The following TDRD1 variants were observed in gnomAD, a reference collection of about 807,000 sequenced individuals.
TDRD1 encodes tudor domain containing 1.
TDRD1 carries 37 observed loss-of-function variants against 140.6 expected under a neutral mutation model. The observed-to-expected ratio is 0.26, with a 90% CI of 0.20 to 0.35. The LOEUF (loss-of-function observed/expected upper bound fraction) is 0.35, where lower values mean the gene tolerates loss of function less well. Ranked by LOEUF, TDRD1 falls within the 10% of genes least tolerant of loss-of-function variation. The pLI is 1.00. For synonymous variants in TDRD1, 506 were observed against 475.7 expected (o/e 1.06, Z -0.83); for missense variants, 1,243 against 1,393.0 (o/e 0.89, Z 1.71).
intron 18 of TDRD1, 63 bp from the exon 19 acceptor site, chr10:114,220,505 A>G (rs2036074802): frequency 8.4e-7 from 1 of 1,195,488 alleles, no homozygotes; most frequent in South Asian, 1.3e-5. Context: ...GGTGCTGGGT[A>G]CTACTAAAGC....
intron 15 of TDRD1, 78 bp downstream of exon 15, chr10:114,213,666 A>G: frequency 2.3e-6 from 3 of 1,302,210 alleles, no homozygotes; most frequent in East Asian, 4.7e-5. Flanking sequence ...TTGTACTTAT[A>G]AAAAGAATTT....
At chr10:114,225,897 T>G in intron 21 of TDRD1, 152 bp from the exon 22 acceptor site, 1 of 666,714 alleles carries the variant, frequency 1.5e-6, no homozygotes. Flanking sequence ...TTCATAGGAA[T>G]GTAGAGGTAA....
intron 21 of TDRD1, 151 bp from the exon 22 acceptor site, chr10:114,225,898 G>T: frequency 1.5e-6 from 1 of 672,450 alleles, no homozygotes; most frequent in Non-Finnish European, 2.6e-6. Flanking sequence ...TCATAGGAAT[G>T]TAGAGGTAAA....
chr10:114,224,644 C>G (rs1390596388), intron 21 of TDRD1, among the ~76,000 whole-genome samples: 1 of 152,072 alleles, frequency 6.6e-6, no homozygotes, highest in Non-Finnish European at 1.5e-5. Context: ...TTTAGGTTTT[C>G]ATTTCTATCA....
At chr10:114,230,463 A>G (rs750304430) in intron 25 of TDRD1, among the ~76,000 whole-genome samples, 5 of 152,152 alleles carry the variant, frequency 3.3e-5, no homozygotes, top group Admixed American at 6.5e-5. Context: ...AATGCCCTTG[A>G]AAAGAAAGTA....
chr10:114,200,669 G>A (rs908356672), intron 4 of TDRD1, among the ~76,000 whole-genome samples: 4 of 151,896 alleles, frequency 2.6e-5, no homozygotes, highest in Non-Finnish European at 5.9e-5. Context: ...GACTACAGGT[G>A]CGCACCACCA....
chr10:114,222,055 A>G (rs896989792), intron 20 of TDRD1, among the ~76,000 whole-genome samples: 8 of 152,304 alleles, frequency 5.3e-5, no homozygotes, highest in African/African-American at 1.9e-4. Context: ...TTAAAGCTGA[A>G]AAAATGAAAC....
chr10:114,216,145 G>A lies in TDRD1; in HGVS notation c.2213-1400G>A, dbSNP rs140637728. 3.6e-4 allele frequency among the ~76,000 whole-genome samples: 55 copies of A among 152,290 alleles called. No homozygotes were observed. In the Middle Eastern group the frequency reaches 0.01, roughly 28 times the overall value. On this transcript the variant is annotated intron_variant, in intron 16 of 25. Coordinates refer to ENST00000251864, the Ensembl canonical transcript of TDRD1. ...CTCCTGTAGTTAGCATGTGATCGTG[G>A]CACATTTGTCGCAACAAAGAGACCA...
At chr10:114,206,467 T>C (rs954594588) in intron 11 of TDRD1, 137 bp downstream of exon 11, 1 of 611,998 alleles carries the variant, frequency 1.6e-6, no homozygotes, top group Non-Finnish European at 2.8e-6. Context: ...AATACGCTGT[T>C]TTATATTTAG....
chr10:114,210,553 G>C (rs1338746000), intron 11 of TDRD1, 28 bp from the exon 12 acceptor site: 4 of 1,538,324 alleles, frequency 2.6e-6, no homozygotes, highest in Non-Finnish European at 3.5e-6. Context: ...AAACAAAATG[G>C]CTTATTTTTC....
chr10:114,200,099 G>A (rs2034630538), intron 4 of TDRD1, among the ~76,000 whole-genome samples: 1 of 152,132 alleles, frequency 6.6e-6, no homozygotes, highest in African/African-American at 2.4e-5. Context: ...CCACATCCTC[G>A]TCCACATTTG....
At chr10:114,200,765 T>A (rs1251457020) in intron 4 of TDRD1, among the ~76,000 whole-genome samples, 1 of 150,716 alleles carries the variant, frequency 6.6e-6, no homozygotes, top group Non-Finnish European at 1.5e-5. Context: ...TCACCTCAAG[T>A]GATCCACCCG....
intron 3 of TDRD1, among the ~76,000 whole-genome samples, chr10:114,193,396 G>T (rs1380197555): frequency 6.7e-6 from 1 of 148,410 alleles, no homozygotes; most frequent in Non-Finnish European, 1.5e-5. Flanking sequence ...TGGTTCAAGC[G>T]ATTCTCCTGC....
intron 2 of TDRD1, among the ~76,000 whole-genome samples, chr10:114,189,579 A>G (rs973439036): frequency 6.6e-6 from 1 of 152,132 alleles, no homozygotes; most frequent in Non-Finnish European, 1.5e-5. Flanking sequence ...ATGCATGATG[A>G]TATTAACACA....
intron 14 of TDRD1, 142 bp downstream of exon 14, chr10:114,212,178 C>T: frequency 1.4e-6 from 1 of 722,840 alleles, no homozygotes; most frequent in Admixed American, 3.9e-5. Flanking sequence ...TGTCATTTAT[C>T]CCAAAGAAAT....
At chr10:114,211,493 G>A (rs1362985808) in intron 13 of TDRD1, among the ~76,000 whole-genome samples, 2 of 152,194 alleles carry the variant, frequency 1.3e-5, no homozygotes, top group Admixed American at 1.3e-4. Flanking sequence ...CTTGGTTAGT[G>A]GAGTCTGGTT....
chr10:114,175,839 T>C (rs1248671632), upstream of TDRD1, among the ~76,000 whole-genome samples: 1 of 151,972 alleles, frequency 6.6e-6, no homozygotes, highest in African/African-American at 2.4e-5. Context: ...AGTGCATTTA[T>C]TTTTTTTAAT....
At chr10:114,203,156 A>G (rs1299019645) in exon 7 of TDRD1, 1 of 1,612,556 alleles carries the variant, frequency 6.2e-7, no homozygotes, top group Non-Finnish European at 8.5e-7. Flanking sequence ...TCTACAACTC[A>G]AGAAAACCAT....
chr10:114,191,123 A>C, intron 3 of TDRD1, 104 bp downstream of exon 3: 1 of 1,266,534 alleles, frequency 7.9e-7, no homozygotes, highest in South Asian at 1.5e-5. Flanking sequence ...ATTCAAGATC[A>C]AATGTTTTTT....
Sources: allele counts gnomAD v4.1 joint callset (sites outside exome capture counted in the v4.1 genomes callset), GRCh38; gene constraint gnomAD v4.1.1; transcripts MANE v1.5; gene names NCBI Gene and HGNC (gene_info 2026-07-23, HGNC 2026-07-21).